CFHR3: variants seen among roughly 807,000 people sequenced by gnomAD.
The protein encoded by CFHR3 is complement factor H-related protein 3.
Under a neutral mutation model 36.0 loss-of-function variants are expected in CFHR3, and 22 were observed. That is an observed-to-expected ratio of 0.61 (90% CI 0.44 to 0.87). The LOEUF is 0.87. Among genes scored for constraint, CFHR3 ranks in the 40% least tolerant of loss-of-function variants. The pLI is 0.00. For synonymous variants in CFHR3, 97 were observed against 137.4 expected (o/e 0.71, Z 2.06); for missense variants, 276 against 401.3 (o/e 0.69, Z 2.67).
rs79194384 is a variant in CFHR3 at position 196,775,241 on chromosome 1, A to T, written c.58+297A>T. On this transcript the variant is annotated intron_variant, in intron 1 of 5. Coordinates refer to ENST00000367425, the MANE Select transcript of CFHR3 (RefSeq NM_021023.6). Reference sequence around the variant, plus strand: ...ATACTCATGAAACTTTAAGTAGGAAACATGTCATTAGACAGATTCTAAGCT... The same window carrying T: ...ATACTCATGAAACTTTAAGTAGGAATCATGTCATTAGACAGATTCTAAGCT... 9.2e-4 allele frequency among the ~76,000 whole-genome samples: 126 copies of T among 137,478 alleles called. 15 individuals carry two copies. In the East Asian group the frequency reaches 0.022, roughly 24 times the overall value. 90.2% of individuals were successfully genotyped at this position (137,478 alleles called of 152,430 possible).
intron 4 of CFHR3, chr1:196,789,284 A>G: frequency 1.2e-6 from 1 of 823,856 alleles, no homozygotes; most frequent in East Asian, 1.0e-4. Flanking sequence ...AAGACTCTCA[A>G]AAATATTAAG....
chr1:196,788,791 T>A (rs1161217079), intron 4 of CFHR3: 2 of 1,457,218 alleles, frequency 1.4e-6, no homozygotes, highest in Non-Finnish European at 1.8e-6. Context: ...GTTGTACATG[T>A]CGGGGGAGAA....
intron 3 of CFHR3, among the ~76,000 whole-genome samples, chr1:196,784,857 T>A (rs1321138548): frequency 2.2e-5 from 3 of 136,026 alleles, no homozygotes; most frequent in Non-Finnish European, 4.7e-5. Flanking sequence ...TGATGTTAGC[T>A]GGTTATTTTG....
At position 196,788,270 on chromosome 1, in the gene CFHR3, C is replaced by T. The variant is rs759117982; in HGVS notation, c.485C>T (p.Ser162Phe). The T allele has an allele frequency of 7.5e-7, 1 of 1,328,110 alleles. No homozygotes were observed. Among genetic ancestry groups the T allele is most frequent in the Non-Finnish European group, 1.0e-6 (1 of 984,828 alleles). 82.3% of individuals were successfully genotyped at this position (1,328,110 alleles called of 1,614,324 possible). The change falls in exon 4 of 6, where the codon TCC (serine) becomes TTC (phenylalanine). Residue 162 changes from serine to phenylalanine, a missense_variant. Around this residue, in one of 3 missense-constraint regions of CFHR3, gnomAD observed 178 missense variants for 247.2 expected, o/e 0.72. Coordinates refer to ENST00000367425, the MANE Select transcript of CFHR3 (RefSeq NM_021023.6). Reference protein sequence around the residue: ...EIENGFISESSSIYILNKEIQ... With the variant: ...EIENGFISESFSIYILNKEIQ... ...GAAAATGGATTCATTTCCGAATCTT[C>T]CTCTATTTATATTTTAAATAAAGAA... is the stretch of plus-strand genomic sequence containing the variant.
rs1654435440 is a variant in CFHR3, at chr1:196,791,736, CA to C, written c.796+1512del. On this transcript the variant is annotated intron_variant, in intron 5 of 5. Coordinates refer to ENST00000367425, the MANE Select transcript of CFHR3 (RefSeq NM_021023.6). ...AGACTGAAGAAGAAATTAGTATCCT[CA>C]AATCAAAATAGTTTACAAGTATCTT... 1.5e-5 allele frequency among the ~76,000 whole-genome samples: 2 copies of C among 132,776 alleles called. 1 individual carries two copies. Among genetic ancestry groups the C allele is most frequent in the African/African-American group, 6.6e-5 (2 of 30,490 alleles). The allele number at this position is 132,776 out of a possible 152,430, so 87.1% of individuals were successfully genotyped here. A position where few individuals can be genotyped will look rare whatever the true frequency, so the allele number is the denominator to read the frequency against.
rs1344788472 is a variant in CFHR3, at chr1:196,781,179, A to G, written c.430+1206A>G. ...GAATTCCATGGTGTATATGTGCCAC[A>G]TTTTCTTAATCCAGTCTATCATTGT... On this transcript the variant is annotated intron_variant, in intron 3 of 5. Transcript: ENST00000367425. Among the ~76,000 whole-genome samples the G allele has an allele frequency of 4.5e-5, 6 of 134,340 alleles. 1 individual carries two copies. In the South Asian group the frequency reaches 1.1e-3, roughly 24 times the overall value. The allele number at this position is 134,340 out of a possible 152,430, so 88.1% of individuals were successfully genotyped here.
chr1:196,774,840 A>T lies in CFHR3; in HGVS notation c.-47A>T. On this transcript the variant is annotated 5_prime_UTR_variant, in exon 1 of 6. Coordinates refer to ENST00000367425, the MANE Select transcript of CFHR3 (RefSeq NM_021023.6). ...TAATGAAAGATTTCAAACCCCAAAC[A>T]GTGCAACTGAAACTTTTGTATTAGC... The T allele has an allele frequency of 7.1e-7, 1 of 1,412,844 alleles. No homozygotes were observed. Among genetic ancestry groups the T allele is most frequent in the Non-Finnish European group, 9.7e-7 (1 of 1,027,652 alleles). 87.5% of individuals were successfully genotyped at this position (1,412,844 alleles called of 1,614,324 possible).
Position 196,793,299 on chromosome 1 carries a change from GT to G in CFHR3, c.797-11del, listed in dbSNP as rs753514139. 4.0e-6 allele frequency: 6 copies of G among 1,487,382 alleles called. 1 individual carries two copies. The highest frequency in any genetic ancestry group is 1.7e-5 in the African/African-American group (1 of 58,864). The allele number at this position is 1,487,382 out of a possible 1,614,324, so 92.1% of individuals were successfully genotyped here. On this transcript the variant is annotated splice_polypyrimidine_tract_variant and intron_variant, in intron 5 of 5. Coordinates refer to ENST00000367425, the MANE Select transcript of CFHR3 (RefSeq NM_021023.6). ...AAAGAGAAAATTATGATTGTTAATT[GT>G]TTTTTTCTGCTTTCAGATCCATGTA... is the stretch of plus-strand genomic sequence containing the variant.
chr1:196,779,185 A>G lies in CFHR3; in HGVS notation c.82A>G (p.Ile28Val). 7 of 1,529,398 alleles carry G rather than the reference A, an allele frequency of 4.6e-6. 1 individual carries two copies. Among genetic ancestry groups the G allele is most frequent in the South Asian group, 2.5e-5 (2 of 80,386 alleles). 94.7% of individuals were successfully genotyped at this position (1,529,398 alleles called of 1,614,324 possible). ...GQVKPCDFPD[I>V]KHGGLFHENM... is the part of the protein sequence containing the mutation. ...AGTGAAACCTTGTGATTTTCCAGAC[A>G]TTAAACATGGAGGTCTATTTCATGA... The change falls in exon 2 of 6, where the codon ATT (isoleucine) becomes GTT (valine). Residue 28 changes from isoleucine to valine, a missense_variant. Transcript: ENST00000367425.
intron 4 of CFHR3, chr1:196,788,852 A>G: frequency 6.9e-7 from 1 of 1,449,380 alleles, no homozygotes; most frequent in Non-Finnish European, 9.1e-7. Context: ...TCAGACCTTA[A>G]TAATTTGTAT....
rs138927327 is a variant in CFHR3 at position 196,786,044 on chromosome 1, T to G, written c.431-2172T>G. Among the ~76,000 whole-genome samples the G allele has an allele frequency of 5.2e-3, 711 of 136,706 alleles. 193 individuals are homozygous for G. Among genetic ancestry groups the G allele is most frequent in the African/African-American group, 0.021 (691 of 32,556 alleles). 89.7% of individuals were successfully genotyped at this position (136,706 alleles called of 152,430 possible). ...CAGACAGGACCCTCAGCTGCAGGTC[T>G]GTTGGAGTTTGCTAGAGGTCCACTC... On this transcript the variant is annotated intron_variant, in intron 3 of 5. Transcript: ENST00000367425.
chr1:196,793,206 T>C lies in CFHR3; in HGVS notation c.797-111T>C. ...GTAGCACAAGTTAATAACTATTAAC[T>C]ATTTGGATTATTTTATAATTTTATT... On this transcript the variant is annotated intron_variant, in intron 5 of 5. Transcript: ENST00000367425. 3 of 1,030,168 alleles carry C rather than the reference T, an allele frequency of 2.9e-6. 1 individual carries two copies. Among genetic ancestry groups the C allele is most frequent in the Non-Finnish European group, 4.0e-6 (3 of 752,152 alleles). 63.8% of individuals were successfully genotyped at this position (1,030,168 alleles called of 1,614,324 possible).
Position 196,787,300 on chromosome 1 carries a change from T to C in CFHR3, c.431-916T>C, listed in dbSNP as rs1654247931. On this transcript the variant is annotated intron_variant, in intron 3 of 5. Transcript: ENST00000367425. The stretch of plus-strand genomic sequence containing the variant: ...TCAAGCACTTTGTAGGTATTGAAAA[T>C]AAAGCTGTTTACAATAGAAACTGAA... Among the ~76,000 whole-genome samples the C allele has an allele frequency of 1.5e-5, 2 of 136,952 alleles. 1 individual carries two copies. The highest frequency in any genetic ancestry group is 6.1e-5 in the African/African-American group (2 of 32,770). The allele number at this position is 136,952 out of a possible 152,430, so 89.8% of individuals were successfully genotyped here. A position where few individuals can be genotyped will look rare whatever the true frequency, so the allele number is the denominator to read the frequency against.
rs1223585809 is a variant in CFHR3 at position 196,779,765 on chromosome 1, AC to A, written c.254-31del. On this transcript the variant is annotated intron_variant, in intron 2 of 5. Transcript: ENST00000367425. ...TTGTGCAAATTTATGTTTCTCATTTACTTTATTTATTTATCATTGCTATGTC... is the reference window on the plus strand; with the variant it reads ...TTGTGCAAATTTATGTTTCTCATTTATTTATTTATTTATCATTGCTATGTC... 1.2e-5 allele frequency: 18 copies of A among 1,475,726 alleles called. 3 individuals are homozygous for A. Among genetic ancestry groups the A allele is most frequent in the Non-Finnish European group, 1.5e-5 (16 of 1,099,492 alleles). The allele number at this position is 1,475,726 out of a possible 1,614,324, so 91.4% of individuals were successfully genotyped here. A position where few individuals can be genotyped will look rare whatever the true frequency, so the allele number is the denominator to read the frequency against.
At chr1:196,784,189 C>A (rs1164482226) in intron 3 of CFHR3, among the ~76,000 whole-genome samples, 2 of 135,990 alleles carry the variant, frequency 1.5e-5, no homozygotes, top group Non-Finnish European at 3.1e-5. Context: ...AATTTCTGTT[C>A]TTTTACATTT....
chr1:196,785,959 G>T (rs1654180158), intron 3 of CFHR3, among the ~76,000 whole-genome samples: 2 of 134,948 alleles, frequency 1.5e-5, no homozygotes, highest in African/African-American at 6.3e-5. Context: ...TTTGATGATG[G>T]TGATGTACAG....
Position 196,776,366 on chromosome 1 carries a change from G to T in CFHR3, c.58+1422G>T, listed in dbSNP as rs1435758246. On this transcript the variant is annotated intron_variant, in intron 1 of 5. Coordinates refer to ENST00000367425, the MANE Select transcript of CFHR3 (RefSeq NM_021023.6). The stretch of plus-strand genomic sequence containing the variant: ...CTCATTTAGTGGAATAACATCTTGG[G>T]TAGAGAGAAACATCTTTGTGAATTC... 2.3e-4 allele frequency among the ~76,000 whole-genome samples: 31 copies of T among 137,496 alleles called. 8 individuals are homozygous for T. Among genetic ancestry groups the T allele is most frequent in the African/African-American group, 8.7e-4 (29 of 33,160 alleles). The allele number at this position is 137,496 out of a possible 152,430, so 90.2% of individuals were successfully genotyped here. A position where few individuals can be genotyped will look rare whatever the true frequency, so the allele number is the denominator to read the frequency against.
In CFHR3 at chr1:196,793,383, G is replaced by T. The variant is rs762701066; in HGVS notation, c.863G>T (p.Arg288Ile). Residue 288 changes from arginine (R) to isoleucine (I), a missense_variant, in exon 6 of 6, where the codon AGA becomes ATA. Arg to Ile is a moderately conservative substitution (Grantham distance 97). Around this residue, in one of 3 missense-constraint regions of CFHR3, gnomAD observed 76 missense variants for 79.8 expected, o/e 0.95. Coordinates refer to ENST00000367425, the MANE Select transcript of CFHR3 (RefSeq NM_021023.6). ...NNIKLKGRSD[R>I]KYYAKTGDTI... ...ATAAAGTTAAAAGGAAGAAGTGACA[G>T]AAAATATTATGCAAAAACAGGGGAT... The T allele has an allele frequency of 2.5e-5, 38 of 1,525,368 alleles. 6 individuals carry two copies. The highest frequency in any genetic ancestry group is 1.9e-4 in the Middle Eastern group (1 of 5,330). 94.5% of individuals were successfully genotyped at this position (1,525,368 alleles called of 1,614,324 possible).
At chr1:196,790,992 T>C (rs2124864635) in intron 5 of CFHR3, among the ~76,000 whole-genome samples, 1 of 136,358 alleles carries the variant, frequency 7.3e-6, no homozygotes, top group South Asian at 2.6e-4. Context: ...AAAACATTGT[T>C]TCAAAAAACC....
Sources: gnomAD v4.1 joint callset for allele counts (sites outside exome capture counted in the v4.1 genomes callset) on GRCh38, gnomAD v4.1.1 for gene constraint, gnomAD v4.1.1 regional missense constraint, MANE v1.5 for transcripts, NCBI Gene and HGNC (gene_info 2026-07-23, HGNC 2026-07-21) for gene names.